The following ZDHHC14 variants were observed in gnomAD, a reference collection of about 807,000 sequenced individuals.
ZDHHC14 encodes zDHHC palmitoyltransferase 14.
Under a neutral mutation model 47.7 loss-of-function variants are expected in ZDHHC14, and 16 were observed. That is an observed-to-expected ratio of 0.34 (90% CI 0.23 to 0.51). The LOEUF is 0.51. Ranked by LOEUF, ZDHHC14 falls within the 20% of genes least tolerant of loss-of-function variation. The pLI is 0.97. For synonymous variants in ZDHHC14, 293 were observed against 278.9 expected, an observed-to-expected ratio of 1.05 and a Z score of -0.50; for missense variants, 515 against 662.5, an observed-to-expected ratio of 0.78 and a Z score of 2.44.
intron 1 of ZDHHC14, among the ~76,000 whole-genome samples, chr6:157,443,609 G>A (rs1206808673): frequency 6.6e-6 from 1 of 152,232 alleles, no homozygotes; most frequent in African/African-American, 2.4e-5. Flanking sequence ...ATCACTGGTG[G>A]TGAAACCAAT....
chr6:157,635,096 C>A (rs184236561), intron 5 of ZDHHC14, among the ~76,000 whole-genome samples: 1 of 152,044 alleles, frequency 6.6e-6, no homozygotes, highest in African/African-American at 2.4e-5. Flanking sequence ...CGGGTTCAAG[C>A]GATTCTCCTG....
At chr6:157,583,791 T>C (rs1417956155) in intron 2 of ZDHHC14, among the ~76,000 whole-genome samples, 1 of 152,128 alleles carries the variant, frequency 6.6e-6, no homozygotes, top group African/African-American at 2.4e-5. Flanking sequence ...TTATATTCTG[T>C]CCTCAGCTTG....
chr6:157,390,788 T>C (rs1777406552), intron 1 of ZDHHC14, among the ~76,000 whole-genome samples: 1 of 152,232 alleles, frequency 6.6e-6, no homozygotes, highest in Non-Finnish European at 1.5e-5. Flanking sequence ...GTGTTAATAT[T>C]TTCTGCTAGA....
intron 6 of ZDHHC14, 38 bp from the exon 7 acceptor site, chr6:157,647,221 G>A: frequency 1.4e-6 from 2 of 1,463,854 alleles, no homozygotes; most frequent in Non-Finnish European, 1.9e-6. Flanking sequence ...CGTTGGTGTG[G>A]AAGATATTGC....
intron 3 of ZDHHC14, among the ~76,000 whole-genome samples, chr6:157,622,216 C>CAAAAAAAAAAAAA (rs35681787): frequency 9.6e-5 from 9 of 93,860 alleles, no homozygotes; most frequent in African/African-American, 2.3e-4. Context: ...ACTAAAAATA[C>CAAAAAAAAAAAAA]AAAAAAAAAA....
intron 5 of ZDHHC14, among the ~76,000 whole-genome samples, chr6:157,637,694 C>T (rs534895437): frequency 7.9e-5 from 12 of 152,140 alleles, no homozygotes; most frequent in African/African-American, 1.2e-4. Context: ...AGCGTTTTCT[C>T]GGGCAAGACA....
intron 1 of ZDHHC14, among the ~76,000 whole-genome samples, chr6:157,526,463 C>G (rs984402690): frequency 6.6e-6 from 1 of 152,190 alleles, no homozygotes; most frequent in African/African-American, 2.4e-5. Context: ...GAGTCAGGTT[C>G]TTGTCTTAAA....
chr6:157,624,557 C>T (rs573016847), intron 3 of ZDHHC14, among the ~76,000 whole-genome samples: 8 of 152,240 alleles, frequency 5.3e-5, no homozygotes, highest in East Asian at 3.9e-4. Context: ...CTTAGTATTC[C>T]GAGCACCTGA....
chr6:157,524,878 CA>C (rs1781101572), intron 1 of ZDHHC14, among the ~76,000 whole-genome samples: 2 of 152,206 alleles, frequency 1.3e-5, no homozygotes, highest in Admixed American at 6.5e-5. Flanking sequence ...CTGACAGAAC[CA>C]CCTGTGTTAG....
At chr6:157,601,695 C>G (rs1784341480) in intron 3 of ZDHHC14, among the ~76,000 whole-genome samples, 1 of 152,136 alleles carries the variant, frequency 6.6e-6, no homozygotes, top group Non-Finnish European at 1.5e-5. Flanking sequence ...AGGAAACATG[C>G]ACTATTTGAT....
rs1420333081 is a variant in ZDHHC14, at chr6:157,677,732, C to G, written c.*4610C>G. 1.3e-5 allele frequency: 2 copies of G among 151,928 alleles called. No homozygotes were observed. Among genetic ancestry groups the G allele is most frequent in the African/African-American group, 4.8e-5 (2 of 41,368 alleles). 9.4% of individuals were successfully genotyped at this position (151,928 alleles called of 1,614,324 possible). On this transcript the variant is annotated 3_prime_UTR_variant, in exon 9 of 9. Transcript: ENST00000359775. ...TGGTGATAAAGGTATGAATGAACAA[C>G]TCTCTTACTTGCCCTCGATGTTTCA...
intron 1 of ZDHHC14, among the ~76,000 whole-genome samples, chr6:157,419,656 G>A (rs1418440371): frequency 6.6e-6 from 1 of 152,124 alleles, no homozygotes; most frequent in Non-Finnish European, 1.5e-5. Context: ...TCTTTGTATT[G>A]CTGAGTAATA....
chr6:157,631,869 T>G (rs1660487008), intron 4 of ZDHHC14: 1 of 152,286 alleles, frequency 6.6e-6, no homozygotes, highest in Admixed American at 6.5e-5. Flanking sequence ...CTCTCCTGAT[T>G]AGCGCTCCAC....
intron 1 of ZDHHC14, among the ~76,000 whole-genome samples, chr6:157,423,874 A>G (rs1778159422): frequency 6.6e-6 from 1 of 151,948 alleles, no homozygotes; most frequent in African/African-American, 2.4e-5. Context: ...AGACCTGCAG[A>G]CTCTGACCCC....
intron 5 of ZDHHC14, among the ~76,000 whole-genome samples, chr6:157,635,535 AAGTC>A (rs1776930084): frequency 6.6e-6 from 1 of 152,236 alleles, no homozygotes; most frequent in Non-Finnish European, 1.5e-5. Flanking sequence ...TATGCTGACA[AAGTC>A]AGTTATTCAG....
chr6:157,506,228 A>C (rs1780323456), intron 1 of ZDHHC14, among the ~76,000 whole-genome samples: 1 of 152,360 alleles, frequency 6.6e-6, no homozygotes, highest in South Asian at 2.1e-4. Context: ...CCTAAAACCC[A>C]GACTGAGTCC....
At chr6:157,458,215 C>G (rs1395332160) in intron 1 of ZDHHC14, among the ~76,000 whole-genome samples, 1 of 152,194 alleles carries the variant, frequency 6.6e-6, no homozygotes. Flanking sequence ...TGATTGCTAA[C>G]AAACATCTTT....
chr6:157,496,983 T>C (rs1780081207), intron 1 of ZDHHC14, among the ~76,000 whole-genome samples: 3 of 151,844 alleles, frequency 2.0e-5, no homozygotes, highest in African/African-American at 7.3e-5. Flanking sequence ...TGGGTAGAGG[T>C]AGGGTGGTGT....
chr6:157,473,214 A>G (rs191449306), intron 1 of ZDHHC14, among the ~76,000 whole-genome samples: 1 of 152,224 alleles, frequency 6.6e-6, no homozygotes, highest in Non-Finnish European at 1.5e-5. Context: ...AGAATACAGT[A>G]TATTGTTATT....
Sources: gnomAD v4.1 joint callset for allele counts (sites outside exome capture counted in the v4.1 genomes callset) on GRCh38, gnomAD v4.1.1 for gene constraint, MANE v1.5 for transcripts, NCBI Gene and HGNC (gene_info 2026-07-23, HGNC 2026-07-21) for gene names.